The following SETDB1 variants were observed in gnomAD, a reference collection of about 807,000 sequenced individuals.
SETDB1 encodes SET domain bifurcated histone lysine methyltransferase 1.
Under a neutral mutation model 137.4 loss-of-function variants are expected in SETDB1, and 31 were observed. The ratio of observed to expected loss-of-function variants is 0.23; its 90% CI spans 0.17 to 0.30. The LOEUF is 0.30. Ranked by LOEUF, SETDB1 falls within the 10% of genes least tolerant of loss-of-function variation. The pLI, the probability that SETDB1 is intolerant of heterozygous loss-of-function variation, is 1.00. For missense variants in SETDB1, 1,113 were observed against 1,631.5 expected (o/e 0.68, Z 5.47); for synonymous variants, 548 against 579.9 (o/e 0.95, Z 0.79).
At chr1:150,945,232 C>T (rs774962892) in intron 9 of SETDB1, 124 bp downstream of exon 9, 4 of 1,493,974 alleles carry the variant, frequency 2.7e-6, no homozygotes, top group Non-Finnish European at 2.7e-6. Flanking sequence ...TATGTGTTCT[C>T]ACTGTTTTTG....
intron 14 of SETDB1, among the ~76,000 whole-genome samples, chr1:150,954,052 C>A (rs979591148): frequency 1.2e-4 from 18 of 152,038 alleles, no homozygotes; most frequent in African/African-American, 4.3e-4. Flanking sequence ...GACAGGGTTT[C>A]ACCATGTTAG....
intron 2 of SETDB1, among the ~76,000 whole-genome samples, chr1:150,928,899 C>A (rs1669630896): frequency 6.6e-6 from 1 of 152,158 alleles, no homozygotes; most frequent in Admixed American, 6.5e-5. Context: ...CCAGCTTCAT[C>A]CATGTGCCTA....
intron 3 of SETDB1, among the ~76,000 whole-genome samples, chr1:150,932,455 G>A (rs933326082): frequency 2.0e-5 from 3 of 151,996 alleles, no homozygotes; most frequent in African/African-American, 7.2e-5. Context: ...ACTTTTCTTT[G>A]TGGATTTTTA....
Position 150,946,920 on chromosome 1 carries a change from C to T in SETDB1, c.1175C>T (p.Ser392Phe). ...AGATGTGAGTGGATCTATCGAGGCT[C>T]TACACGGCTGGAGCCCATGTTCAGC... ...DKRCEWIYRG[S>F]TRLEPMFSMK... Residue 392 changes from serine to phenylalanine, a missense_variant, in exon 10 of 22, where the codon TCT becomes TTT. Ser to Phe is a radical substitution (Grantham distance 155). This residue lies in a region of SETDB1 where 154 missense variants were observed against 303.1 expected (regional missense o/e 0.51). Coordinates refer to ENST00000692827, the MANE Select transcript of SETDB1 (RefSeq NM_001366418.1). 6.2e-7 allele frequency: 1 copy of T among 1,614,168 alleles called. No homozygotes were observed. Among genetic ancestry groups the T allele is most frequent in the Non-Finnish European group, 8.5e-7 (1 of 1,180,014 alleles).
Position 150,949,197 on chromosome 1 carries a change from T to C in SETDB1, c.1343T>C (p.Val448Ala). The C allele has an allele frequency of 6.2e-7, 1 of 1,614,116 alleles. No homozygotes were observed. The highest frequency in any genetic ancestry group is 8.5e-7 in the Non-Finnish European group (1 of 1,180,018). The change falls in exon 11 of 22, where the codon GTG becomes GCG. Residue 448 changes from valine to alanine, a missense_variant. Val to Ala is a moderately conservative substitution (Grantham distance 64, BLOSUM62 0). This residue lies in a region of SETDB1 where 192 missense variants were observed against 198.1 expected (regional missense o/e 0.97). Coordinates refer to ENST00000692827, the MANE Select transcript of SETDB1 (RefSeq NM_001366418.1). ...GGTACTGGAACCCAGTTCAAGCCAG[T>C]GGAACCCCCACAGCCTACAGCTCCA... ...LTGTGTQFKP[V>A]EPPQPTAPPA...
intron 20 of SETDB1, 22 bp from the exon 21 acceptor site, chr1:150,963,972 TG>T (rs749421157): frequency 1.2e-6 from 2 of 1,608,436 alleles, no homozygotes; most frequent in African/African-American, 2.7e-5. Context: ...GGTTCTTATT[TG>T]ATCCTGTCCT....
chr1:150,955,765 T>C (rs55884154), intron 14 of SETDB1, among the ~76,000 whole-genome samples: 10,931 of 152,264 alleles, frequency 0.072, 1,341 homozygotes, highest in African/African-American at 0.25. Flanking sequence ...CTAACCATTG[T>C]ATCACCAGTT....
chr1:150,963,464 C>T, intron 19 of SETDB1, 66 bp from the exon 20 acceptor site: 1 of 1,260,016 alleles, frequency 7.9e-7, no homozygotes, highest in East Asian at 2.3e-5. Context: ...GTAGAATGTC[C>T]ATTCATGATA....
rs587593544 is a variant in SETDB1 at position 150,934,034 on chromosome 1, C to T, written c.412+3916C>T. Among the ~76,000 whole-genome samples, 9 of 151,966 alleles carry T rather than the reference C, an allele frequency of 5.9e-5. No individual in the cohort carries two copies. In the East Asian group the frequency reaches 1.4e-3, roughly 23 times the overall value. On this transcript the variant is annotated intron_variant, in intron 3 of 21. Transcript: ENST00000692827. ...CCAACCTCAGGTGATCCACCTGCTTCGGCTTCCCAAAGTGCTAGGATTACA... is the reference window on the plus strand; with the variant it reads ...CCAACCTCAGGTGATCCACCTGCTTTGGCTTCCCAAAGTGCTAGGATTACA...
intron 10 of SETDB1, among the ~76,000 whole-genome samples, chr1:150,948,348 GC>G (rs2102710613): frequency 6.8e-6 from 1 of 146,438 alleles, no homozygotes; most frequent in South Asian, 2.2e-4. Flanking sequence ...TCAGCTCACT[GC>G]AACCTCCGCC....
chr1:150,927,970 T>G lies in SETDB1; in HGVS notation c.256T>G (p.Ser86Ala), dbSNP rs1208619061. Reference protein sequence around the residue: ...AHVDQLFDDASRAVTNCESLV... With the variant: ...AHVDQLFDDAARAVTNCESLV... ...CGTTGACCAACTCTTTGATGATGCA[T>G]CCAGGTGAGAACTCCATGGAAAATA... Residue 86 changes from serine (S) to alanine (A), a missense_variant, in exon 2 of 22, where the codon TCC (serine) becomes GCC (alanine). Around this residue, in one of 11 missense-constraint regions of SETDB1, gnomAD observed 159 missense variants for 188.6 expected, o/e 0.84. Coordinates refer to ENST00000692827, the MANE Select transcript of SETDB1 (RefSeq NM_001366418.1). 1 of 1,614,062 alleles carries G rather than the reference T, an allele frequency of 6.2e-7. No homozygotes were observed. The highest frequency in any genetic ancestry group is 8.5e-7 in the Non-Finnish European group (1 of 1,179,892).
chr1:150,959,352 G>A lies in SETDB1; in HGVS notation c.2503+5G>A. ...CTTTTGTTTGTATTTATGCAGGTTG[G>A]TGATAAAATATAAGGGTTGTTTCCT... On this transcript the variant is annotated splice_donor_5th_base_variant and intron_variant, in intron 15 of 21. Coordinates refer to ENST00000692827, the MANE Select transcript of SETDB1 (RefSeq NM_001366418.1). The A allele has an allele frequency of 6.2e-7, 1 of 1,600,040 alleles. No homozygotes were observed. The highest frequency in any genetic ancestry group is 8.5e-7 in the Non-Finnish European group (1 of 1,174,712).
chr1:150,962,767 A>G (rs767281372), intron 18 of SETDB1, 48 bp downstream of exon 18: 1 of 1,595,612 alleles, frequency 6.3e-7, no homozygotes. Context: ...AAAATGGGCC[A>G]TTGTCACCTC....
chr1:150,951,286 A>C, intron 13 of SETDB1, 79 bp from the exon 14 acceptor site: 1 of 1,189,210 alleles, frequency 8.4e-7, no homozygotes. Context: ...ACACTGAGCA[A>C]CCTTGGGTAC....
At chr1:150,963,171 A>G in intron 19 of SETDB1, 32 bp downstream of exon 19, 1 of 1,587,250 alleles carries the variant, frequency 6.3e-7, no homozygotes, top group Middle Eastern at 1.7e-4. Context: ...AATGGTGGGA[A>G]GAAATAGTAA....
intron 14 of SETDB1, among the ~76,000 whole-genome samples, chr1:150,953,103 G>A (rs909840181): frequency 6.6e-6 from 1 of 152,174 alleles, no homozygotes; most frequent in Non-Finnish European, 1.5e-5. Context: ...ACATTTAAAG[G>A]TTGAGCAGAG....
chr1:150,933,801 A>C (rs1310264825), intron 3 of SETDB1, among the ~76,000 whole-genome samples: 1 of 46,114 alleles, frequency 2.2e-5, no homozygotes, highest in Non-Finnish European at 3.7e-5. Flanking sequence ...TTTTTTTTTG[A>C]GATGGAGTTT....
chr1:150,951,391 C>T lies in SETDB1; in HGVS notation c.2243C>T (p.Thr748Ile). Residue 748 changes from threonine to isoleucine, a missense_variant, in exon 14 of 22, where the codon ACT becomes ATT. Coordinates refer to ENST00000692827, the MANE Select transcript of SETDB1 (RefSeq NM_001366418.1). ...TCCAAGTGTGCCTGCCATCAACTAA[C>T]TATCCAGGCTACAGCCTGTACCCCA... ...DKSKCACHQL[T>I]IQATACTPGG... is the part of the protein sequence containing the mutation. The T allele has an allele frequency of 6.2e-7, 1 of 1,613,224 alleles. No individual in the cohort carries two copies. Among genetic ancestry groups the T allele is most frequent in the Non-Finnish European group, 8.5e-7 (1 of 1,179,154 alleles).
intron 1 of SETDB1, 64 bp downstream of exon 1, chr1:150,926,581 G>A: frequency 2.5e-6 from 1 of 396,746 alleles, no homozygotes; most frequent in South Asian, 1.8e-5. Flanking sequence ...TTGTTTGTGG[G>A]AGGGGGTCGG....
Sources: gnomAD v4.1 joint callset for allele counts (sites outside exome capture counted in the v4.1 genomes callset) on GRCh38, gnomAD v4.1.1 for gene constraint, gnomAD v4.1.1 regional missense constraint, MANE v1.5 for transcripts, NCBI Gene and HGNC (gene_info 2026-07-23, HGNC 2026-07-21) for gene names.